MAST4: variants seen among roughly 807,000 people sequenced by gnomAD.
MAST4 encodes the protein microtubule associated serine/threonine kinase family member 4, also known as microtubule-associated serine/threonine-protein kinase 4.
A neutral mutation model predicts 162.7 loss-of-function variants in MAST4; 89 were observed. The ratio of observed to expected loss-of-function variants is 0.55; its 90% CI spans 0.46 to 0.65. The LOEUF (loss-of-function observed/expected upper bound fraction) is 0.65, where lower values mean the gene tolerates loss of function less well. Among genes scored for constraint, MAST4 ranks in the 30% least tolerant of loss-of-function variants. The pLI, the probability that MAST4 is intolerant of heterozygous loss-of-function variation, is 0.00. For synonymous variants in MAST4, 1,479 were observed against 1,361.1 expected, an observed-to-expected ratio of 1.09 and a Z score of -1.91; for missense variants, 3,153 against 3,374.0, an observed-to-expected ratio of 0.93 and a Z score of 1.62.
intron 5 of MAST4, among the ~76,000 whole-genome samples, chr5:67,078,925 T>TATAATATATATATATATATA (rs1561622318): frequency 2.3e-5 from 2 of 86,288 alleles, no homozygotes; most frequent in African/African-American, 1.2e-4. Flanking sequence ...TATATATATA[T>TATAATATATATATATATATA]ATATATATAT....
At chr5:66,632,699 C>A (rs1744865205) in intron 1 of MAST4, among the ~76,000 whole-genome samples, 1 of 152,018 alleles carries the variant, frequency 6.6e-6, no homozygotes, top group African/African-American at 2.4e-5. Context: ...GATGTAGATA[C>A]TTGGTAATAC....
chr5:66,866,074 C>CAAAAA (rs57347322), intron 3 of MAST4, among the ~76,000 whole-genome samples: 8 of 115,760 alleles, frequency 6.9e-5, no homozygotes, highest in African/African-American at 2.4e-4. Context: ...ATCTCCATCT[C>CAAAAA]AAAAAAAAAA....
rs546843561 is a variant in MAST4, at chr5:67,132,801, T to G, written c.2094-713T>G. On this transcript the variant is annotated intron_variant, in intron 16 of 28. Transcript: ENST00000403625. ...TGACTCATGCTCATTCTACAAAATTTGAAAAATGCAGGGGAAAAAAGAGAG... is the reference window on the plus strand; with the variant it reads ...TGACTCATGCTCATTCTACAAAATTGGAAAAATGCAGGGGAAAAAAGAGAG... Among the ~76,000 whole-genome samples the G allele has an allele frequency of 1.0e-3, 158 of 152,142 alleles. 1 individual carries two copies. The highest frequency in any genetic ancestry group is 3.8e-3 in the African/African-American group (156 of 41,538).
intron 1 of MAST4, among the ~76,000 whole-genome samples, chr5:66,746,754 A>G (rs143538897): frequency 1.8e-3 from 272 of 152,336 alleles, no homozygotes; most frequent in African/African-American, 6.2e-3. Flanking sequence ...GCATAGATCA[A>G]ACACCTAAAT....
At chr5:66,746,147 G>A (rs1752745900) in intron 1 of MAST4, among the ~76,000 whole-genome samples, 1 of 152,154 alleles carries the variant, frequency 6.6e-6, no homozygotes, top group Non-Finnish European at 1.5e-5. Flanking sequence ...TTAATGTTTT[G>A]TGATTCTGTA....
intron 1 of MAST4, among the ~76,000 whole-genome samples, chr5:66,671,367 G>A (rs985555086): frequency 2.6e-5 from 4 of 152,124 alleles, no homozygotes; most frequent in African/African-American, 9.7e-5. Context: ...TGTGAAGAGG[G>A]TACAAGAGTG....
At chr5:67,078,915 T>TAAATAAATAA (rs1561621956) in intron 5 of MAST4, among the ~76,000 whole-genome samples, 7 of 28,532 alleles carry the variant, frequency 2.5e-4, no homozygotes, top group African/African-American at 7.2e-4. Flanking sequence ...TATATAAATA[T>TAAATAAATAA]ATATATATAT....
intron 1 of MAST4, among the ~76,000 whole-genome samples, chr5:66,605,750 G>A (rs1579967825): frequency 1.3e-5 from 2 of 152,106 alleles, no homozygotes; most frequent in South Asian, 2.1e-4. Context: ...TTCTCGCCAC[G>A]ATGCATGCAG....
intron 4 of MAST4, among the ~76,000 whole-genome samples, chr5:66,908,058 T>A (rs988160524): frequency 6.6e-6 from 1 of 152,170 alleles, no homozygotes; most frequent in South Asian, 2.1e-4. Context: ...GAGTGTCGCA[T>A]CTGAATTAGC....
At chr5:66,852,358 T>A (rs1422084751) in intron 3 of MAST4, among the ~76,000 whole-genome samples, 8 of 152,076 alleles carry the variant, frequency 5.3e-5, no homozygotes, top group Non-Finnish European at 1.0e-4. Flanking sequence ...TTGCCCAGGG[T>A]GGTCTCAAAC....
chr5:66,947,655 C>T (rs561870253), intron 4 of MAST4, among the ~76,000 whole-genome samples: 2 of 152,280 alleles, frequency 1.3e-5, no homozygotes, highest in East Asian at 1.9e-4. Flanking sequence ...ATATAATCCT[C>T]CTCCGACCTG....
chr5:66,898,467 A>G (rs1256139936), intron 3 of MAST4, among the ~76,000 whole-genome samples: 2 of 145,604 alleles, frequency 1.4e-5, no homozygotes, highest in Non-Finnish European at 3.1e-5. Flanking sequence ...CCCAAGGAAA[A>G]CTGTCTTGGT....
intron 4 of MAST4, among the ~76,000 whole-genome samples, chr5:66,919,862 T>C (rs1764377762): frequency 6.6e-6 from 1 of 152,090 alleles, no homozygotes; most frequent in African/African-American, 2.4e-5. Context: ...TTTTCTTTTT[T>C]TGGAACTCTT....
At chr5:66,943,069 C>CTAAT (rs754941838) in intron 4 of MAST4, among the ~76,000 whole-genome samples, 13 of 152,034 alleles carry the variant, frequency 8.6e-5, no homozygotes, top group Non-Finnish European at 1.8e-4. Flanking sequence ...GCCACATGAC[C>CTAAT]TAATCACCTT....
intron 3 of MAST4, among the ~76,000 whole-genome samples, chr5:66,802,528 G>T (rs557972346): frequency 1.3e-5 from 2 of 152,140 alleles, no homozygotes; most frequent in Non-Finnish European, 2.9e-5. Flanking sequence ...CATATGTAAA[G>T]GGTTAAATGT....
intron 4 of MAST4, among the ~76,000 whole-genome samples, chr5:67,014,105 T>A (rs1182334510): frequency 6.6e-6 from 1 of 152,166 alleles, no homozygotes; most frequent in Non-Finnish European, 1.5e-5. Context: ...ATTTTTTTTT[T>A]TTCCATGTAA....
At chr5:67,100,371 C>A in intron 7 of MAST4, 64 bp from the exon 8 acceptor site, 1 of 1,549,206 alleles carries the variant, frequency 6.5e-7, no homozygotes, top group Non-Finnish European at 8.9e-7. Context: ...TCATCGATCT[C>A]TCCTGTTCAT....
chr5:67,100,074 G>A lies in MAST4; in HGVS notation c.913-361G>A, dbSNP rs1297278817. On this transcript the variant is annotated intron_variant, in intron 7 of 28. Coordinates refer to ENST00000403625, the MANE Select transcript of MAST4 (RefSeq NM_001164664.2). ...TTTGATTTTGAGCAGCAGTAAACTC[G>A]GGGGTGCCATGTTCAGTTGAGAACT... 3.3e-5 allele frequency among the ~76,000 whole-genome samples: 5 copies of A among 152,190 alleles called. No individual in the cohort carries two copies. The East Asian group carries it at 7.7e-4, about 24-fold the overall frequency.
intron 2 of MAST4, among the ~76,000 whole-genome samples, chr5:66,786,276 T>A (rs986809562): frequency 4.6e-5 from 7 of 152,128 alleles, no homozygotes; most frequent in Non-Finnish European, 1.0e-4. Flanking sequence ...TCCCAAGTTT[T>A]TTTTTTTTTA....
Sources: gnomAD v4.1 joint callset for allele counts (sites outside exome capture counted in the v4.1 genomes callset) on GRCh38, gnomAD v4.1.1 for gene constraint, MANE v1.5 for transcripts, NCBI Gene and HGNC (gene_info 2026-07-23, HGNC 2026-07-21) for gene names.